Variants in DHX30 observed in about 807,000 individuals in gnomAD.
DHX30 encodes the protein ATP-dependent RNA helicase DHX30.
DHX30 carries 4 observed loss-of-function variants against 116.9 expected under a neutral mutation model. The observed-to-expected ratio is 0.03, with a 90% CI of 0.02 to 0.08. The LOEUF is 0.08. DHX30 is among the 10% of genes least tolerant of loss of function. The pLI, the probability that DHX30 is intolerant of heterozygous loss-of-function variation, is 1.00. For synonymous variants in DHX30, 697 were observed against 651.7 expected, an observed-to-expected ratio of 1.07 and a Z score of -1.06; for missense variants, 871 against 1,595.1, an observed-to-expected ratio of 0.55 and a Z score of 7.73.
chr3:47,829,838 T>A (rs183700171), intron 6 of DHX30, among the ~76,000 whole-genome samples: 18 of 152,094 alleles, frequency 1.2e-4, no homozygotes, highest in Admixed American at 4.6e-4. Flanking sequence ...TTAAATTTTT[T>A]AATTTTTTTT....
At position 47,848,102 on chromosome 3, in the gene DHX30, C is replaced by G; in HGVS notation, c.2287-78C>G. ...GTCTCAGTGTTCCTGATGTAGGGGG[C>G]TGGTGAGGGTTACTCAGGGAGTGGG... On this transcript the variant is annotated intron_variant, in intron 14 of 21. Transcript: ENST00000445061. This position sits in a 1 kb window ranked among gnomAD's most constrained non-coding sequence, Gnocchi z 9.4. 2 of 1,587,936 alleles carry G rather than the reference C, an allele frequency of 1.3e-6. No individual in the cohort carries two copies. The highest frequency in any genetic ancestry group is 1.7e-6 in the Non-Finnish European group (2 of 1,160,286).
intron 3 of DHX30, chr3:47,816,150 A>T: frequency 1.0e-6 from 1 of 980,726 alleles, no homozygotes; most frequent in Non-Finnish European, 1.2e-6. Context: ...GTAAAATCAC[A>T]TACCTATAAA....
Position 47,848,686 on chromosome 3 carries a change from G to A in DHX30, c.2638G>A (p.Asp880Asn), listed in dbSNP as rs2037731209. ...LGQRLAHIST[D>N]PRLAKAIVLA... ...GCAGCGCCTGGCTCACATCTCCACC[G>A]ACCCCCGGTTGGCCAAGGCCATTGT... Residue 880 changes from aspartate to asparagine, a missense_variant, in exon 17 of 22, where the codon GAC (aspartate) becomes AAC (asparagine). Transcript: ENST00000445061. This position sits in a 1 kb window ranked among gnomAD's most constrained non-coding sequence, Gnocchi z 9.4. 8 of 1,614,100 alleles carry A rather than the reference G, an allele frequency of 5.0e-6. No individual in the cohort carries two copies. Among genetic ancestry groups the A allele is most frequent in the African/African-American group, 1.3e-5 (1 of 75,012 alleles).
At chr3:47,828,389 G>C (rs1262719423) in intron 5 of DHX30, among the ~76,000 whole-genome samples, 1 of 151,078 alleles carries the variant, frequency 6.6e-6, no homozygotes, top group Non-Finnish European at 1.5e-5. Context: ...GAGCCCAGGA[G>C]GTTGAGGCTG....
chr3:47,832,958 TTTTTC>T, intron 6 of DHX30, among the ~76,000 whole-genome samples: 1 of 149,070 alleles, frequency 6.7e-6, no homozygotes. Context: ...TTTTTTTTTT[TTTTTC>T]CTGTAGAGAT....
intron 4 of DHX30, among the ~76,000 whole-genome samples, chr3:47,824,341 A>C (rs149785112): frequency 9.1e-4 from 139 of 152,092 alleles, no homozygotes; most frequent in African/African-American, 3.2e-3. Context: ...ACGCTGGACC[A>C]GCTCAATTCT....
At chr3:47,827,526 G>A (rs765594426) in intron 5 of DHX30, 49 bp downstream of exon 5, 22 of 1,582,798 alleles carry the variant, frequency 1.4e-5, no homozygotes, top group Middle Eastern at 1.7e-4. Context: ...TCAGAAAGGA[G>A]GCTGTTTGTC....
intron 1 of DHX30, 34 bp downstream of exon 1, chr3:47,803,246 C>T (rs2035366233): frequency 2.5e-6 from 1 of 392,496 alleles, no homozygotes; most frequent in East Asian, 3.6e-5. Context: ...CCTTTCGTGC[C>T]CTCTTGAGGA....
chr3:47,837,982 G>T (rs2037200646), intron 6 of DHX30, among the ~76,000 whole-genome samples: 1 of 152,182 alleles, frequency 6.6e-6, no homozygotes, highest in South Asian at 2.1e-4. Flanking sequence ...CCAGCAGTGA[G>T]CCTGTGGGGA....
chr3:47,849,102 C>G (rs772583021), intron 18 of DHX30, 23 bp downstream of exon 18: 1 of 1,610,724 alleles, frequency 6.2e-7, no homozygotes, highest in South Asian at 1.1e-5. Context: ...CACACCTGCT[C>G]TCCTGAGCCC....
At chr3:47,833,551 A>G (rs928721877) in intron 6 of DHX30, among the ~76,000 whole-genome samples, 1 of 150,160 alleles carries the variant, frequency 6.7e-6, no homozygotes, top group Non-Finnish European at 1.5e-5. Flanking sequence ...AAAAAAAAAA[A>G]AAAAAAAGAA....
At position 47,829,057 on chromosome 3, in the gene DHX30, G is replaced by A. The variant is rs765566224; in HGVS notation, c.289G>A (p.Val97Met). 8 of 1,610,230 alleles carry A rather than the reference G, an allele frequency of 5.0e-6. No homozygotes were observed. The highest frequency in any genetic ancestry group is 1.3e-5 in the African/African-American group (1 of 74,674). Residue 97 changes from valine (V) to methionine (M), a missense_variant, in exon 6 of 22, where the codon GTG (valine) becomes ATG (methionine). By Grantham distance (21) the Val-to-Met change is conservative (BLOSUM62 1). This residue lies in a region of DHX30 where 66 missense variants were observed against 153.9 expected (regional missense o/e 0.43). Transcript: ENST00000445061. ...VTLHIKWPKSVEVEGYGSKKI... is the reference protein window; with the variant it reads ...VTLHIKWPKSMEVEGYGSKKI... ...ACTGCACATAAAATGGCCCAAGAGC[G>A]TGGAGGTAGAAGGCTATGGCAGCAA...
At chr3:47,838,483 G>C (rs2107094683) in intron 6 of DHX30, among the ~76,000 whole-genome samples, 1 of 152,326 alleles carries the variant, frequency 6.6e-6, no homozygotes, top group African/African-American at 2.4e-5. Context: ...ACCTTAGGTA[G>C]GTGATGGTTT....
intron 3 of DHX30, among the ~76,000 whole-genome samples, chr3:47,814,720 C>T (rs2035971095): frequency 6.6e-6 from 1 of 151,948 alleles, no homozygotes; most frequent in South Asian, 2.1e-4. Context: ...TGGGGTTTCA[C>T]CATGTTAGCC....
chr3:47,823,654 G>A (rs553842558), intron 4 of DHX30, among the ~76,000 whole-genome samples: 5 of 152,190 alleles, frequency 3.3e-5, no homozygotes, highest in African/African-American at 1.2e-4. Flanking sequence ...GAGCCACTGC[G>A]CCTGGCTGAT....
chr3:47,808,606 C>T (rs937594494), intron 2 of DHX30, among the ~76,000 whole-genome samples: 2 of 149,902 alleles, frequency 1.3e-5, no homozygotes, highest in South Asian at 2.1e-4. Flanking sequence ...GATGGAGTCT[C>T]GCTCTGTTGC....
intron 6 of DHX30, among the ~76,000 whole-genome samples, chr3:47,839,126 G>A (rs528145887): frequency 5.3e-5 from 8 of 152,054 alleles, no homozygotes; most frequent in South Asian, 4.2e-4. Context: ...ATGTTGCTGC[G>A]TACATGCTAG....
chr3:47,813,202 G>A (rs954952071), intron 3 of DHX30, among the ~76,000 whole-genome samples: 3 of 152,186 alleles, frequency 2.0e-5, no homozygotes, highest in Non-Finnish European at 4.4e-5. Context: ...AATTAGCCGG[G>A]TGCGGTGGTG....
intron 4 of DHX30, among the ~76,000 whole-genome samples, chr3:47,820,358 T>C (rs896669848): frequency 6.6e-6 from 1 of 151,640 alleles, no homozygotes; most frequent in Non-Finnish European, 1.5e-5. Context: ...GGGGAAGCCA[T>C]GAGGACGGAT....
Sources: gnomAD v4.1 joint callset for allele counts (sites outside exome capture counted in the v4.1 genomes callset) on GRCh38, gnomAD v4.1.1 for gene constraint, gnomAD v4.1.1 regional missense constraint, Gnocchi (gnomAD v3.1) non-coding constraint, MANE v1.5 for transcripts, NCBI Gene and HGNC (gene_info 2026-07-23, HGNC 2026-07-21) for gene names.